Variants in P2RY2 observed in about 807,000 individuals in gnomAD.
The protein encoded by P2RY2 is purinergic receptor P2Y2.
For synonymous variants in P2RY2, 241 were observed against 231.9 expected, an observed-to-expected ratio of 1.04 and a Z score of -0.35; for missense variants, 567 against 515.7, an observed-to-expected ratio of 1.10 and a Z score of -0.96.
In P2RY2 at chr11:73,227,989, T is replaced by G. The variant is rs59099183; in HGVS notation, c.-191T>G. On this transcript the variant is annotated 5_prime_UTR_variant, in exon 2 of 3. Transcript: ENST00000393597. ...CCTCCCTCTGTCTGCAGGAGCCCCT[T>G]GTGGCAGCAGCACTACCTGCCCAGA... 6.6e-6 allele frequency: 1 copy of G among 152,132 alleles called. No individual in the cohort carries two copies. Among genetic ancestry groups the G allele is most frequent in the Non-Finnish European group, 1.5e-5 (1 of 68,054 alleles). 9.4% of individuals were successfully genotyped at this position (152,132 alleles called of 1,614,324 possible).
intron 1 of P2RY2, among the ~76,000 whole-genome samples, chr11:73,226,118 G>A (rs1862270461): frequency 6.6e-6 from 1 of 152,198 alleles, no homozygotes; most frequent in South Asian, 2.1e-4. Context: ...ACCGCGTAGT[G>A]CATGTCCGAG....
At chr11:73,229,412 G>T (rs1452990105) in intron 2 of P2RY2, among the ~76,000 whole-genome samples, 2 of 152,160 alleles carry the variant, frequency 1.3e-5, no homozygotes, top group African/African-American at 4.8e-5. Context: ...GGATAGTCAG[G>T]TGGAGCCGTC....
At chr11:73,223,960 A>G (rs1382613020) in intron 1 of P2RY2, among the ~76,000 whole-genome samples, 1 of 152,118 alleles carries the variant, frequency 6.6e-6, no homozygotes, top group Admixed American at 6.5e-5. Context: ...ACCCACTCTG[A>G]TGCTGCTCTG....
chr11:73,230,779 G>C (rs1862430227), intron 2 of P2RY2, among the ~76,000 whole-genome samples: 1 of 152,164 alleles, frequency 6.6e-6, no homozygotes, highest in African/African-American at 2.4e-5. Flanking sequence ...GGCGGGTGAG[G>C]TTGGCAGAGG....
At position 73,234,323 on chromosome 11, in the gene P2RY2, T is replaced by TC; in HGVS notation, c.165dup (p.Tyr56LeufsTer24). 6.2e-7 allele frequency: 1 copy of TC among 1,613,818 alleles called. No individual in the cohort carries two copies. Among genetic ancestry groups the TC allele is most frequent in the South Asian group, 1.1e-5 (1 of 91,036 alleles). ...GGGCTGTGTCTGAACGCCGTGGCGC[T>TC]CTACATCTTCTTGTGCCGCCTCAAG... On this transcript the variant is annotated frameshift_variant, in exon 3 of 3. Transcript: ENST00000393597. LOFTEE classifies it low-confidence loss of function (END_TRUNC).
In P2RY2 at chr11:73,237,059, C is replaced by A; in HGVS notation, c.*1766C>A. ...TCTGCCTTGTGAAAGGCAGGACATC[C>A]CCAAAGCTTGCTGTATTTGGAGCCT... On this transcript the variant is annotated 3_prime_UTR_variant, in exon 3 of 3. Coordinates refer to ENST00000393597, the MANE Select transcript of P2RY2 (RefSeq NM_002564.4). 1 of 985,310 alleles carries A rather than the reference C, an allele frequency of 1.0e-6. No individual in the cohort carries two copies. Among genetic ancestry groups the A allele is most frequent in the Non-Finnish European group, 1.2e-6 (1 of 829,870 alleles). 61.0% of individuals were successfully genotyped at this position (985,310 alleles called of 1,614,324 possible). A position where few individuals can be genotyped will look rare whatever the true frequency, so the allele number is the denominator to read the frequency against.
rs1480358625 is a variant in P2RY2, at chr11:73,236,886, C to A, written c.*1593C>A. 2 of 985,024 alleles carry A rather than the reference C, an allele frequency of 2.0e-6. No individual in the cohort carries two copies. The highest frequency in any genetic ancestry group is 3.5e-5 in the African/African-American group (2 of 57,190). The allele number at this position is 985,024 out of a possible 1,614,324, so 61.0% of individuals were successfully genotyped here. On this transcript the variant is annotated 3_prime_UTR_variant, in exon 3 of 3. Transcript: ENST00000393597. ...CGTGTGGCGCTCAGCTGGACAGGGCCCCGCCCTAGCCTTTGGAAAGGGACA... is the reference window on the plus strand; with the variant it reads ...CGTGTGGCGCTCAGCTGGACAGGGCACCGCCCTAGCCTTTGGAAAGGGACA...
At chr11:73,233,671 G>T (rs1057462780) in intron 2 of P2RY2, among the ~76,000 whole-genome samples, 1 of 152,192 alleles carries the variant, frequency 6.6e-6, no homozygotes, top group Non-Finnish European at 1.5e-5. Flanking sequence ...ATTTTTAAAA[G>T]AATTTTGTAG....
rs982610577 is a variant in P2RY2 at position 73,237,269 on chromosome 11, G to C, written c.*1976G>C. The stretch of plus-strand genomic sequence containing the variant: ...TGAGTTTTTTTTTTCTTTTTGAGAC[G>C]AAGTCTTGTTCTGTCACCCAGGCTG... On this transcript the variant is annotated 3_prime_UTR_variant, in exon 3 of 3. Transcript: ENST00000393597. 2 of 300,900 alleles carry C rather than the reference G, an allele frequency of 6.6e-6. No individual in the cohort carries two copies. The highest frequency in any genetic ancestry group is 9.8e-6 in the Non-Finnish European group (2 of 204,748). The allele number at this position is 300,900 out of a possible 1,614,324, so 18.6% of individuals were successfully genotyped here. A position where few individuals can be genotyped will look rare whatever the true frequency, so the allele number is the denominator to read the frequency against.
At position 73,234,856 on chromosome 11, in the gene P2RY2, T is replaced by C. The variant is rs1862584650; in HGVS notation, c.697T>C (p.Ser233Pro). 1 of 1,610,450 alleles carries C rather than the reference T, an allele frequency of 6.2e-7. No homozygotes were observed. The highest frequency in any genetic ancestry group is 1.3e-5 in the African/African-American group (1 of 74,938). The change falls in exon 3 of 3, where the codon TCG (serine) becomes CCG (proline). Residue 233 changes from serine (S) to proline (P), a missense_variant. By Grantham distance (74) the Ser-to-Pro change is moderately conservative (BLOSUM62 -1). Coordinates refer to ENST00000393597, the MANE Select transcript of P2RY2 (RefSeq NM_002564.4). ...RRLLKPAYGT[S>P]GGLPRAKRKS... ...ACTGCTAAAGCCAGCCTACGGGACC[T>C]CGGGCGGCCTGCCTAGGGCCAAGCG...
At chr11:73,225,649 G>T (rs1862256124) in intron 1 of P2RY2, among the ~76,000 whole-genome samples, 1 of 94,894 alleles carries the variant, frequency 1.1e-5, no homozygotes, top group South Asian at 2.5e-4. Flanking sequence ...GCCCAGAGTG[G>T]CTATGCCGTT....
At chr11:73,233,212 C>T (rs1380125712) in intron 2 of P2RY2, among the ~76,000 whole-genome samples, 2 of 152,218 alleles carry the variant, frequency 1.3e-5, no homozygotes, top group Non-Finnish European at 2.9e-5. Context: ...GGGGGATTCC[C>T]TGGTAGCCTC....
intron 2 of P2RY2, chr11:73,233,952 C>G: frequency 1.6e-6 from 1 of 622,898 alleles, no homozygotes; most frequent in East Asian, 2.8e-5. Context: ...TATAGTTTGT[C>G]TACCCCTGTT....
chr11:73,233,827 C>T (rs149537058), intron 2 of P2RY2, among the ~76,000 whole-genome samples: 1 of 152,330 alleles, frequency 6.6e-6, no homozygotes, highest in Non-Finnish European at 1.5e-5. Context: ...ATATTTTAGA[C>T]TTCACAGGCC....
Position 73,238,200 on chromosome 11 carries a change from G to A in P2RY2, c.*2907G>A, listed in dbSNP as rs898004110. Reference sequence around the variant, plus strand: ...CTGCCCAGCTCTTCCTGCCCAGGGTGACTGGGATGGAGCCATAGACCTGAG... The same window carrying A: ...CTGCCCAGCTCTTCCTGCCCAGGGTAACTGGGATGGAGCCATAGACCTGAG... On this transcript the variant is annotated 3_prime_UTR_variant, in exon 3 of 3. Transcript: ENST00000393597. Among the ~76,000 whole-genome samples, 3 of 152,230 alleles carry A rather than the reference G, an allele frequency of 2.0e-5. No individual in the cohort carries two copies. Among genetic ancestry groups the A allele is most frequent in the Admixed American group, 2.0e-4 (3 of 15,288 alleles).
intron 2 of P2RY2, among the ~76,000 whole-genome samples, chr11:73,232,781 A>G (rs1379434192): frequency 1.3e-5 from 2 of 152,164 alleles, no homozygotes; most frequent in Non-Finnish European, 2.9e-5. Flanking sequence ...GCCCCTTCAC[A>G]CTGCTAGAAA....
intron 1 of P2RY2, among the ~76,000 whole-genome samples, chr11:73,225,090 A>G (rs1862239588): frequency 6.6e-6 from 1 of 152,156 alleles, no homozygotes; most frequent in African/African-American, 2.4e-5. Flanking sequence ...CCTGGCAGAG[A>G]TAGGCAGCAG....
intron 1 of P2RY2, among the ~76,000 whole-genome samples, chr11:73,218,818 G>A (rs1862038006): frequency 6.6e-6 from 1 of 152,170 alleles, no homozygotes; most frequent in African/African-American, 2.4e-5. Flanking sequence ...GGCGTGAGGC[G>A]GTGGCCGGTG....
At position 73,224,463 on chromosome 11, in the gene P2RY2, C is replaced by T. The variant is rs73536991; in HGVS notation, c.-199-3518C>T. ...ATCACCCCTCCAATCCTGTTAGGGGCCTCCTTGGCTTCCTCCAGGCCTGAT... is the reference window on the plus strand; with the variant it reads ...ATCACCCCTCCAATCCTGTTAGGGGTCTCCTTGGCTTCCTCCAGGCCTGAT... On this transcript the variant is annotated intron_variant, in intron 1 of 2. Transcript: ENST00000393597. 9.8e-3 allele frequency among the ~76,000 whole-genome samples: 1,492 copies of T among 152,332 alleles called. 24 individuals carry two copies. The highest frequency in any genetic ancestry group is 0.034 in the African/African-American group (1,427 of 41,570).
Sources: allele counts gnomAD v4.1 joint callset (sites outside exome capture counted in the v4.1 genomes callset), GRCh38; gene constraint gnomAD v4.1.1; transcripts MANE v1.5; gene names NCBI Gene and HGNC (gene_info 2026-07-23, HGNC 2026-07-21).